The following ATP2B4 variants were observed in gnomAD, a reference collection of about 807,000 sequenced individuals.
ATP2B4 encodes the protein ATPase plasma membrane Ca2+ transporting 4.
In ATP2B4, 39 loss-of-function variants were observed where a neutral mutation model predicts 110.3. The observed-to-expected ratio is 0.35, with a 90% CI of 0.27 to 0.46. The LOEUF (loss-of-function observed/expected upper bound fraction) is 0.46. Among genes scored for constraint, ATP2B4 ranks in the 20% least tolerant of loss-of-function variants. The pLI is 1.00. For missense variants in ATP2B4, 1,135 were observed against 1,530.9 expected (o/e 0.74, Z 4.32); for synonymous variants, 538 against 571.7 (o/e 0.94, Z 0.84).
chr1:203,691,093 G>T (rs1665359810), intron 2 of ATP2B4, among the ~76,000 whole-genome samples: 1 of 152,168 alleles, frequency 6.6e-6, no homozygotes, highest in Admixed American at 6.5e-5. Context: ...ATGCTGTCCA[G>T]CTGGGGTCAG....
intron 2 of ATP2B4, among the ~76,000 whole-genome samples, chr1:203,689,102 G>T (rs1665291421): frequency 6.6e-6 from 1 of 152,184 alleles, no homozygotes; most frequent in Non-Finnish European, 1.5e-5. Context: ...AGAGCAGTTT[G>T]GTTGGTATAG....
chr1:203,685,796 A>T (rs946694906), intron 2 of ATP2B4, among the ~76,000 whole-genome samples: 2 of 152,216 alleles, frequency 1.3e-5, no homozygotes, highest in Non-Finnish European at 2.9e-5. Context: ...CCATAGAGTT[A>T]CTGAGATTAA....
chr1:203,675,957 G>C (rs1664816410), intron 1 of ATP2B4, among the ~76,000 whole-genome samples: 1 of 152,134 alleles, frequency 6.6e-6, no homozygotes, highest in African/African-American at 2.4e-5. Flanking sequence ...CCAGAACCCA[G>C]AACTTCAGGA....
chr1:203,628,056 T>C (rs751408292), intron 1 of ATP2B4, among the ~76,000 whole-genome samples: 1 of 152,080 alleles, frequency 6.6e-6, no homozygotes, highest in South Asian at 2.1e-4. Context: ...AAGTTTCCGA[T>C]GTCGAGGCTG....
chr1:203,725,255 C>A (rs1174864740), intron 19 of ATP2B4, among the ~76,000 whole-genome samples: 1 of 151,948 alleles, frequency 6.6e-6, no homozygotes, highest in South Asian at 2.1e-4. Flanking sequence ...TCAAGCAATT[C>A]TCCTGCCTCA....
rs185861481 is a variant in ATP2B4 at position 203,647,401 on chromosome 1, G to A, written c.-465+20182G>A. On this transcript the variant is annotated intron_variant, in intron 1 of 20. Transcript: ENST00000357681. ...TAGTGAGCTCTGATTGCACCACTGC[G>A]CTCCAGCCTCGGCAATAGAGCAAGA... Among the ~76,000 whole-genome samples, 43 of 151,482 alleles carry A rather than the reference G, an allele frequency of 2.8e-4. 1 individual carries two copies. In the East Asian group the frequency reaches 6.8e-3, roughly 24 times the overall value.
intron 1 of ATP2B4, among the ~76,000 whole-genome samples, chr1:203,666,561 T>A (rs972165406): frequency 2.0e-5 from 3 of 152,090 alleles, no homozygotes; most frequent in Non-Finnish European, 2.9e-5. Context: ...TTTTGTTGGG[T>A]GGACATTTAA....
chr1:203,661,902 C>G (rs1321560062), intron 1 of ATP2B4, among the ~76,000 whole-genome samples: 1 of 152,200 alleles, frequency 6.6e-6, no homozygotes, highest in Non-Finnish European at 1.5e-5. Context: ...TAGCTCTGCT[C>G]TTCCCTTCTC....
chr1:203,688,105 C>T (rs1178105161), intron 2 of ATP2B4, among the ~76,000 whole-genome samples: 3 of 151,346 alleles, frequency 2.0e-5, no homozygotes, highest in Non-Finnish European at 4.4e-5. Flanking sequence ...CTCACTGCAA[C>T]CTCCGCCTCC....
At chr1:203,699,333 A>G in intron 3 of ATP2B4, 127 bp from the exon 4 acceptor site, 1 of 1,274,178 alleles carries the variant, frequency 7.8e-7, no homozygotes, top group South Asian at 1.5e-5. Context: ...CTTCCAGCCA[A>G]CAGTTGTATT....
At chr1:203,718,520 A>G (rs1263230027) in intron 15 of ATP2B4, among the ~76,000 whole-genome samples, 1 of 151,882 alleles carries the variant, frequency 6.6e-6, no homozygotes, top group East Asian at 1.9e-4. Flanking sequence ...GAGTGGTCTC[A>G]AACTCCTACC....
At chr1:203,647,660 G>A (rs1334937478) in intron 1 of ATP2B4, among the ~76,000 whole-genome samples, 2 of 152,124 alleles carry the variant, frequency 1.3e-5, no homozygotes, top group Non-Finnish European at 2.9e-5. Context: ...TCGGGAGGCT[G>A]AGGTGGGAGG....
intron 20 of ATP2B4, chr1:203,727,867 C>T (rs988967030): frequency 2.5e-6 from 1 of 398,578 alleles, no homozygotes; most frequent in Admixed American, 4.2e-5. Flanking sequence ...CAAGCTTCAG[C>T]ATAAGGTCTC....
At chr1:203,659,295 A>G (rs375446043) in intron 1 of ATP2B4, among the ~76,000 whole-genome samples, 19 of 152,362 alleles carry the variant, frequency 1.2e-4, no homozygotes, top group African/African-American at 4.6e-4. Context: ...TAGCTCTTGT[A>G]TTAATCACTT....
chr1:203,742,923 G>A lies in ATP2B4; in HGVS notation c.*3069G>A, dbSNP rs553063405. On this transcript the variant is annotated 3_prime_UTR_variant, in exon 21 of 21. Transcript: ENST00000357681. Reference sequence around the variant, plus strand: ...AAAGATTTTGTGCAATATATTAAATGGGGACAGAATTCTAAATGGATAAAA... The same window carrying A: ...AAAGATTTTGTGCAATATATTAAATAGGGACAGAATTCTAAATGGATAAAA... 1 of 152,662 alleles carries A rather than the reference G, an allele frequency of 6.6e-6. No individual in the cohort carries two copies. Among genetic ancestry groups the A allele is most frequent in the South Asian group, 2.1e-4 (1 of 4,824 alleles). The allele number at this position is 152,662 out of a possible 1,614,324, so 9.5% of individuals were successfully genotyped here. A position where few individuals can be genotyped will look rare whatever the true frequency, so the allele number is the denominator to read the frequency against.
At chr1:203,662,702 A>T (rs760414348) in intron 1 of ATP2B4, among the ~76,000 whole-genome samples, 7 of 152,196 alleles carry the variant, frequency 4.6e-5, no homozygotes, top group Non-Finnish European at 1.0e-4. Context: ...TTGTCCATTC[A>T]TCTGCCCATG....
chr1:203,718,208 AAAT>A (rs997271301), intron 15 of ATP2B4, among the ~76,000 whole-genome samples: 25 of 152,162 alleles, frequency 1.6e-4, no homozygotes, highest in African/African-American at 3.6e-4. Flanking sequence ...CTTTTAGAAG[AAAT>A]AATAATTTTT....
chr1:203,733,046 C>T (rs1666776985), intron 20 of ATP2B4, among the ~76,000 whole-genome samples: 1 of 151,592 alleles, frequency 6.6e-6, no homozygotes, highest in Non-Finnish European at 1.5e-5. Context: ...CGTTTTTCTC[C>T]TTCTCCTCAC....
chr1:203,733,280 C>G lies in ATP2B4; in HGVS notation c.3309+5709C>G, dbSNP rs1342493206. 1.9e-6 allele frequency: 3 copies of G among 1,614,100 alleles called. No homozygotes were observed. The South Asian group carries it at 3.3e-5, about 18-fold the overall frequency. On this transcript the variant is annotated intron_variant, in intron 20 of 20. Coordinates refer to ENST00000357681, the MANE Select transcript of ATP2B4 (RefSeq NM_001684.5). Reference sequence around the variant, plus strand: ...CTCTTTTAAGGGAGTCCTAAGGCGACAGAACATGGGTCAACACCTTGATGT... The same window carrying G: ...CTCTTTTAAGGGAGTCCTAAGGCGAGAGAACATGGGTCAACACCTTGATGT...
Sources: allele counts gnomAD v4.1 joint callset (sites outside exome capture counted in the v4.1 genomes callset), GRCh38; gene constraint gnomAD v4.1.1; transcripts MANE v1.5; gene names NCBI Gene and HGNC (gene_info 2026-07-23, HGNC 2026-07-21).